Variants in DNAH14 observed in about 807,000 individuals in gnomAD.
DNAH14 encodes axonemal beta dynein heavy chain 14.
A neutral mutation model predicts 520.9 loss-of-function variants in DNAH14; 478 were observed. The observed-to-expected ratio is 0.92, with a 90% confidence interval of 0.85 to 0.99. The LOEUF (loss-of-function observed/expected upper bound fraction) is 0.99, where lower values mean the gene tolerates loss of function less well. Ranked by LOEUF, DNAH14 falls within the 50% of genes least tolerant of loss-of-function variation. DNAH14 has a pLI of 0.00. For missense variants in DNAH14, 4,831 were observed against 5,234.5 expected (o/e 0.92, Z 2.38); for synonymous variants, 1,581 against 1,757.2 (o/e 0.90, Z 2.51).
intron 36 of DNAH14, among the ~76,000 whole-genome samples, chr1:225,183,621 A>T (rs908479770): frequency 3.2e-4 from 48 of 152,192 alleles, no homozygotes; most frequent in African/African-American, 5.8e-4. Flanking sequence ...CAAAGGATCA[A>T]TGAAACCAAA....
intron 68 of DNAH14, 66 bp from the exon 69 acceptor site, chr1:225,340,391 A>G: frequency 6.9e-7 from 1 of 1,447,038 alleles, no homozygotes; most frequent in African/African-American, 1.4e-5. Flanking sequence ...ATGTATTTTT[A>G]AATAAATTGG....
intron 7 of DNAH14, among the ~76,000 whole-genome samples, chr1:224,970,891 C>G (rs1294391399): frequency 6.6e-6 from 1 of 152,088 alleles, no homozygotes; most frequent in East Asian, 1.9e-4. Context: ...TGTTAAGAAC[C>G]AGGCATTATT....
intron 59 of DNAH14, among the ~76,000 whole-genome samples, chr1:225,307,966 T>G (rs2094283611): frequency 6.6e-6 from 1 of 152,178 alleles, no homozygotes; most frequent in South Asian, 2.1e-4. Flanking sequence ...CATGAAATAT[T>G]TACTGTAGTC....
intron 53 of DNAH14, 123 bp from the exon 54 acceptor site, chr1:225,277,287 A>G: frequency 5.6e-6 from 2 of 355,612 alleles, no homozygotes; most frequent in Non-Finnish European, 1.2e-5. Context: ...CCAGCTTACT[A>G]GATCTAGAGC....
chr1:225,347,821 G>A (rs12134312), intron 71 of DNAH14, among the ~76,000 whole-genome samples: 3,812 of 152,152 alleles, frequency 0.025, 70 homozygotes, highest in Non-Finnish European at 0.04. Context: ...AAGACACAGG[G>A]GGAAATGGCC....
At chr1:224,970,674 A>C (rs2061453775) in intron 7 of DNAH14, among the ~76,000 whole-genome samples, 1 of 152,118 alleles carries the variant, frequency 6.6e-6, no homozygotes, top group Non-Finnish European at 1.5e-5. Flanking sequence ...ACCTACGTGA[A>C]ATATTGGGGG....
rs1002164963 is a variant in DNAH14 at position 225,351,744 on chromosome 1, A to G, written c.11394A>G (p.Ser3798=). The G allele has an allele frequency of 4.5e-6, 7 of 1,551,176 alleles. No individual in the cohort carries two copies. The African/African-American group carries it at 8.2e-5, about 18-fold the overall frequency. Residue 3798 remains serine, a synonymous_variant, in exon 72 of 86, where the codon TCA becomes TCG. Coordinates refer to ENST00000682510, the MANE Select transcript of DNAH14 (RefSeq NM_001367479.1). Reference sequence around the variant, plus strand: ...TCAGCACTCACCTGGAACCATTTTCACTTCTGTGCAAATCCCTTTTATCAA... The same window carrying G: ...TCAGCACTCACCTGGAACCATTTTCGCTTCTGTGCAAATCCCTTTTATCAA... ...QYVSTHLEPF[S]LLCKSLLSNV...
At chr1:225,164,246 G>C (rs760159354) in intron 35 of DNAH14, among the ~76,000 whole-genome samples, 28 of 151,978 alleles carry the variant, frequency 1.8e-4, no homozygotes, top group Admixed American at 2.6e-4. Flanking sequence ...TCTTTTATCA[G>C]CCTCCTATAT....
At chr1:225,233,070 T>C (rs985929880) in intron 42 of DNAH14, among the ~76,000 whole-genome samples, 1 of 152,232 alleles carries the variant, frequency 6.6e-6, no homozygotes, top group African/African-American at 2.4e-5. Flanking sequence ...TGGTTTTCTG[T>C]TCCTGCATTA....
intron 11 of DNAH14, among the ~76,000 whole-genome samples, chr1:225,025,017 C>A (rs10399821): frequency 0.048 from 7,260 of 152,054 alleles, 504 homozygotes; most frequent in African/African-American, 0.15. Context: ...CACAATGTCT[C>A]CTGTATGCAT....
At chr1:225,153,717 C>A in intron 33 of DNAH14, 33 bp from the exon 34 acceptor site, 1 of 1,453,398 alleles carries the variant, frequency 6.9e-7, no homozygotes, top group African/African-American at 1.4e-5. Flanking sequence ...TCTTTAGAAA[C>A]TTTAATAATT....
At chr1:224,932,304 T>A (rs959620728) in intron 1 of DNAH14, among the ~76,000 whole-genome samples, 4 of 152,092 alleles carry the variant, frequency 2.6e-5, no homozygotes, top group Admixed American at 1.3e-4. Context: ...AATGGGATTG[T>A]TTGTGCTTTT....
intron 17 of DNAH14, among the ~76,000 whole-genome samples, chr1:225,073,060 C>T (rs2071743398): frequency 6.6e-6 from 1 of 152,074 alleles, no homozygotes; most frequent in Non-Finnish European, 1.5e-5. Context: ...TCCACTTCAG[C>T]CCCTTGTTGC....
intron 31 of DNAH14, among the ~76,000 whole-genome samples, chr1:225,148,085 C>T (rs2080121990): frequency 6.6e-6 from 1 of 152,080 alleles, no homozygotes; most frequent in Non-Finnish European, 1.5e-5. Context: ...AATAATGCTG[C>T]AATGAACATA....
intron 42 of DNAH14, among the ~76,000 whole-genome samples, chr1:225,239,838 C>T (rs1189350697): frequency 6.6e-6 from 1 of 152,102 alleles, no homozygotes; most frequent in East Asian, 1.9e-4. Context: ...TAATAAATTC[C>T]AGTTTAGTGA....
At chr1:225,099,780 T>C (rs941930730) in intron 22 of DNAH14, among the ~76,000 whole-genome samples, 1 of 152,238 alleles carries the variant, frequency 6.6e-6, no homozygotes, top group African/African-American at 2.4e-5. Context: ...GAGGTTCCTG[T>C]TGGGGTACTC....
At chr1:225,254,678 T>C (rs1252038626) in intron 44 of DNAH14, among the ~76,000 whole-genome samples, 1 of 152,218 alleles carries the variant, frequency 6.6e-6, no homozygotes, top group Non-Finnish European at 1.5e-5. Flanking sequence ...ACCTGAAGCC[T>C]ACAATCTAAA....
At chr1:225,290,647 GTATATATATA>G (rs56045354) in intron 55 of DNAH14, among the ~76,000 whole-genome samples, 4,540 of 57,426 alleles carry the variant, frequency 0.079, 176 homozygotes, top group Middle Eastern at 0.16. Flanking sequence ...GTGTGTGTGT[GTATATATATA>G]TATATATATA....
intron 82 of DNAH14, among the ~76,000 whole-genome samples, chr1:225,388,827 A>G (rs10915818): frequency 6.6e-6 from 1 of 151,884 alleles, no homozygotes; most frequent in Non-Finnish European, 1.5e-5. Context: ...CCCAGGCTGG[A>G]GTGCAGTGGC....
Sources: allele counts gnomAD v4.1 joint callset (sites outside exome capture counted in the v4.1 genomes callset), GRCh38; gene constraint gnomAD v4.1.1; transcripts MANE v1.5; gene names NCBI Gene and HGNC (gene_info 2026-07-23, HGNC 2026-07-21).